Variants in NUTM2G observed in about 807,000 individuals in gnomAD.
NUTM2G encodes the protein NUT family member 2G.
NUTM2G carries 29 observed loss-of-function variants against 44.3 expected under a neutral mutation model. That is an observed-to-expected ratio of 0.66 (90% CI 0.49 to 0.89). The LOEUF is 0.89. NUTM2G is among the 40% of genes least tolerant of loss of function. The probability of loss-of-function intolerance (pLI) is 0.00; values close to 1 mark genes in which losing one functional copy is unlikely to be tolerated. For synonymous variants in NUTM2G, 205 were observed against 395.9 expected (o/e 0.52, Z 5.72); for missense variants, 502 against 946.5 (o/e 0.53, Z 6.16).
chr9:96,939,064 G>GCCACCCAGCCCCCAA lies in NUTM2G; in HGVS notation c.2141_2142insCCACCCAGCCCCCAA (p.Gly714_Leu715insHisProAlaProLys). ...TCTGGGGAGCAATCCCTGGCTTGGGGGCTGGGTGGCCCCTCACAGTCTCAA... is the reference window on the plus strand; with the variant it reads ...TCTGGGGAGCAATCCCTGGCTTGGGGCCACCCAGCCCCCAAGCTGGGTGGCCCCTCACAGTCTCAA... On this transcript the variant is annotated inframe_insertion, in exon 7 of 7. Transcript: ENST00000372322. The GCCACCCAGCCCCCAA allele has an allele frequency of 7.8e-7, 1 of 1,280,118 alleles. No individual in the cohort carries two copies. Among genetic ancestry groups the GCCACCCAGCCCCCAA allele is most frequent in the Non-Finnish European group, 1.0e-6 (1 of 962,526 alleles). 79.3% of individuals were successfully genotyped at this position (1,280,118 alleles called of 1,614,324 possible).
intron 5 of NUTM2G, among the ~76,000 whole-genome samples, 173 bp from the exon 6 acceptor site, chr9:96,937,712 T>C (rs1826485170): frequency 6.6e-6 from 1 of 152,102 alleles, no homozygotes; most frequent in Non-Finnish European, 1.5e-5. Context: ...TCTGTATGTG[T>C]GTATGCTATG....
In NUTM2G at chr9:96,932,975, TTTC is replaced by T. The variant is rs1321335756; in HGVS notation, c.713+560_713+562del. Among the ~76,000 whole-genome samples the T allele has an allele frequency of 4.0e-4, 59 of 146,950 alleles. 1 individual carries two copies. In the East Asian group the frequency reaches 0.013, roughly 32 times the overall value. On this transcript the variant is annotated intron_variant, in intron 2 of 6. Transcript: ENST00000372322. Reference sequence around the variant, plus strand: ...CAATACTTACTTTCTTTTCTTTTCTTTTCTTTTTTTTTTTTTTTTTGAGATGGA... The same window carrying T: ...CAATACTTACTTTCTTTTCTTTTCTTTTTTTTTTTTTTTTTTTGAGATGGA...
rs778304066 is a variant in NUTM2G, at chr9:96,935,365, A to G, written c.751A>G (p.Met251Val). 3 of 1,612,042 alleles carry G rather than the reference A, an allele frequency of 1.9e-6. No homozygotes were observed. The highest frequency in any genetic ancestry group is 2.2e-5 in the South Asian group (2 of 90,994). The change falls in exon 3 of 7, where the codon ATG (methionine) becomes GTG (valine). Residue 251 changes from methionine to valine, a missense_variant. By Grantham distance (21) the Met-to-Val change is conservative (BLOSUM62 1). Transcript: ENST00000372322. Reference protein sequence around the residue: ...LRSLARRKPTMTLEEGLWRAM... With the variant: ...LRSLARRKPTVTLEEGLWRAM... ...ATCCCTGGCCCGGCGGAAGCCCACC[A>G]TGACGCTGGAGGAGGGACTGTGGCG...
intron 3 of NUTM2G, 52 bp downstream of exon 3, chr9:96,935,508 GAC>G (rs1324089040): frequency 1.9e-6 from 3 of 1,611,574 alleles, no homozygotes; most frequent in African/African-American, 2.7e-5. Context: ...GAGAGTGAAT[GAC>G]AGAGGCCCGG....
rs779572972 is a variant in NUTM2G, at chr9:96,935,428, C to T, written c.814C>T (p.Arg272Trp). The T allele has an allele frequency of 1.1e-5, 18 of 1,611,930 alleles. No homozygotes were observed. Among genetic ancestry groups the T allele is most frequent in the Middle Eastern group, 2.2e-4 (1 of 4,454 alleles). The change falls in exon 3 of 7, where the codon CGG becomes TGG. Residue 272 changes from arginine to tryptophan, a missense_variant. Coordinates refer to ENST00000372322, the MANE Select transcript of NUTM2G (RefSeq NM_001170741.3). The stretch of plus-strand genomic sequence containing the variant: ...ATGGCAGCACACGAGCAACTTTGAC[C>T]GGATGATTTTCTACGAGATGGCGGC... ...REWQHTSNFD[R>W]MIFYEMAAKF...
chr9:96,934,123 A>G (rs1826355616), intron 2 of NUTM2G, among the ~76,000 whole-genome samples: 1 of 152,066 alleles, frequency 6.6e-6, no homozygotes, highest in Admixed American at 6.5e-5. Flanking sequence ...GATAGCTCTG[A>G]GTGCACCACG....
rs761708204 is a variant in NUTM2G, at chr9:96,935,393, C to A, written c.779C>A (p.Ala260Asp). The change falls in exon 3 of 7, where the codon GCC (alanine) becomes GAC (aspartate). Residue 260 changes from alanine (A) to aspartate (D), a missense_variant. Ala to Asp is a moderately radical substitution (Grantham distance 126). Coordinates refer to ENST00000372322, the MANE Select transcript of NUTM2G (RefSeq NM_001170741.3). Reference sequence around the variant, plus strand: ...ACGCTGGAGGAGGGACTGTGGCGGGCCATGCGGGAATGGCAGCACACGAGC... The same window carrying A: ...ACGCTGGAGGAGGGACTGTGGCGGGACATGCGGGAATGGCAGCACACGAGC... ...TMTLEEGLWRAMREWQHTSNF... is the reference protein window; with the variant it reads ...TMTLEEGLWRDMREWQHTSNF... The A allele has an allele frequency of 6.2e-7, 1 of 1,612,016 alleles. No homozygotes were observed. The highest frequency in any genetic ancestry group is 8.5e-7 in the Non-Finnish European group (1 of 1,179,870).
At chr9:96,937,427 G>C (rs886248307) in intron 5 of NUTM2G, 23 bp downstream of exon 5, 6 of 1,605,946 alleles carry the variant, frequency 3.7e-6, no homozygotes, top group Non-Finnish European at 5.1e-6. Flanking sequence ...GGAGTGCTGT[G>C]GTCTGTAGGA....
At position 96,935,276 on chromosome 9, in the gene NUTM2G, C is replaced by T; in HGVS notation, c.714-52C>T. On this transcript the variant is annotated intron_variant, in intron 2 of 6. Coordinates refer to ENST00000372322, the MANE Select transcript of NUTM2G (RefSeq NM_001170741.3). ...GAGCCAGGTGTTGGGACCAGGTGGGCCCGGGATGGAGGGTGGGCTTACAGA... is the reference window on the plus strand; with the variant it reads ...GAGCCAGGTGTTGGGACCAGGTGGGTCCGGGATGGAGGGTGGGCTTACAGA... 1.9e-6 allele frequency: 3 copies of T among 1,610,490 alleles called. No homozygotes were observed. In the South Asian group the frequency reaches 3.3e-5, roughly 18 times the overall value.
intron 2 of NUTM2G, chr9:96,933,509 T>TA (rs903801132): frequency 1.3e-5 from 2 of 151,950 alleles, no homozygotes; most frequent in Non-Finnish European, 2.9e-5. Flanking sequence ...TACCTGGGAT[T>TA]ACAGGTGCCC....
Position 96,931,879 on chromosome 9 carries a change from C to T in NUTM2G, c.174C>T (p.Ala58=). 1 of 1,612,458 alleles carries T rather than the reference C, an allele frequency of 6.2e-7. No homozygotes were observed. Among genetic ancestry groups the T allele is most frequent in the East Asian group, 2.2e-5 (1 of 44,878 alleles). The stretch of plus-strand genomic sequence containing the variant: ...CAGCCGGCCCTCTGGTGCTCTCTGC[C>T]TTCCCCAGCACCCCTCTAGTGGCAG... ...VPPAGPLVLS[A]FPSTPLVAGQ... is the part of the protein sequence containing the mutation. Residue 58 remains alanine, a synonymous_variant, in exon 2 of 7, where the codon GCC becomes GCT. Coordinates refer to ENST00000372322, the MANE Select transcript of NUTM2G (RefSeq NM_001170741.3).
intron 2 of NUTM2G, among the ~76,000 whole-genome samples, chr9:96,934,992 C>G (rs1178619621): frequency 6.6e-6 from 1 of 152,188 alleles, no homozygotes; most frequent in East Asian, 1.9e-4. Context: ...ATGACCTGCT[C>G]TAACCCTGAT....
At chr9:96,932,959 C>CTTTCT (rs1171504742) in intron 2 of NUTM2G, among the ~76,000 whole-genome samples, 63 of 148,986 alleles carry the variant, frequency 4.2e-4, no homozygotes, top group African/African-American at 1.4e-3. Flanking sequence ...CCAATACTTA[C>CTTTCT]TTTCTTTTCT....
intron 2 of NUTM2G, among the ~76,000 whole-genome samples, chr9:96,934,420 C>A (rs1021499070): frequency 1.3e-5 from 2 of 152,004 alleles, no homozygotes; most frequent in African/African-American, 2.4e-5. Flanking sequence ...TTGCATCCCC[C>A]CTTGGAGCGG....
intron 2 of NUTM2G, 111 bp downstream of exon 2, chr9:96,932,529 T>C: frequency 1.6e-6 from 2 of 1,284,920 alleles, no homozygotes; most frequent in Non-Finnish European, 1.1e-6. Flanking sequence ...GTTGTGAGGG[T>C]GATGGGTTGT....
In NUTM2G at chr9:96,935,323, T is replaced by A; in HGVS notation, c.714-5T>A. On this transcript the variant is annotated splice_region_variant and splice_polypyrimidine_tract_variant and intron_variant, in intron 2 of 6. Coordinates refer to ENST00000372322, the MANE Select transcript of NUTM2G (RefSeq NM_001170741.3). Reference sequence around the variant, plus strand: ...CAGACTGGGACTGACTGCACTGGTTTACAGCCCAGTTCTCCGATCCCTGGC... The same window carrying A: ...CAGACTGGGACTGACTGCACTGGTTAACAGCCCAGTTCTCCGATCCCTGGC... 1 of 1,611,934 alleles carries A rather than the reference T, an allele frequency of 6.2e-7. No individual in the cohort carries two copies. The highest frequency in any genetic ancestry group is 8.5e-7 in the Non-Finnish European group (1 of 1,179,834).
At chr9:96,930,813 TGTTATGG>T (rs1221649213) in intron 1 of NUTM2G, among the ~76,000 whole-genome samples, 3 of 149,658 alleles carry the variant, frequency 2.0e-5, no homozygotes, top group Non-Finnish European at 2.9e-5. Flanking sequence ...GGGCGTTATG[TGTTATGG>T]GTTATCTTCA....
Position 96,931,984 on chromosome 9 carries a change from G to A in NUTM2G, c.279G>A (p.Lys93=), listed in dbSNP as rs1273149271. ...VQMRTEVGPV[K]PPQAQTLILT... is the part of the protein sequence containing the mutation. ...TGAGGACAGAAGTGGGGCCTGTGAA[G>A]CCCCCTCAGGCACAGACCTTGATCC... The change falls in exon 2 of 7, where the codon AAG becomes AAA. Residue 93 remains lysine (K), a synonymous_variant. Transcript: ENST00000372322. The A allele has an allele frequency of 6.8e-6, 11 of 1,611,080 alleles. No individual in the cohort carries two copies. Among genetic ancestry groups the A allele is most frequent in the African/African-American group, 1.3e-5 (1 of 74,836 alleles).
In NUTM2G at chr9:96,937,996, G is replaced by A. The variant is rs1205911738; in HGVS notation, c.1435G>A (p.Ala479Thr). ...ELEQEEGLTL[A>T]QLVEKRLLSL... ...GGAGCAGGAGGAAGGACTCACCCTTGCCCAGGTAGAGCAGCAGAGGGAGGG... is the reference window on the plus strand; with the variant it reads ...GGAGCAGGAGGAAGGACTCACCCTTACCCAGGTAGAGCAGCAGAGGGAGGG... Residue 479 changes from alanine (A) to threonine (T), a missense_variant, in exon 6 of 7, where the codon GCC becomes ACC. Physicochemically the swap from Ala to Thr is moderately conservative, Grantham distance 58 (BLOSUM62 0). Transcript: ENST00000372322. The A allele has an allele frequency of 5.6e-6, 9 of 1,612,262 alleles. No homozygotes were observed. The highest frequency in any genetic ancestry group is 1.3e-5 in the African/African-American group (1 of 74,856).
Sources: allele counts gnomAD v4.1 joint callset (sites outside exome capture counted in the v4.1 genomes callset), GRCh38; gene constraint gnomAD v4.1.1; transcripts MANE v1.5; gene names NCBI Gene and HGNC (gene_info 2026-07-23, HGNC 2026-07-21).